Variants in MXRA5 observed in about 807,000 individuals in gnomAD.
MXRA5 encodes the protein matrix remodeling associated 5.
Under a neutral mutation model 112.5 loss-of-function variants are expected in MXRA5, and 41 were observed. The observed-to-expected ratio is 0.36, with a 90% CI of 0.28 to 0.47. The LOEUF (loss-of-function observed/expected upper bound fraction) is 0.47. Ranked by LOEUF, MXRA5 falls within the 20% of genes least tolerant of loss-of-function variation. The probability of loss-of-function intolerance (pLI) is 0.99; values close to 1 mark genes in which losing one functional copy is unlikely to be tolerated. For missense variants in MXRA5, 2,150 were observed against 2,251.0 expected, an observed-to-expected ratio of 0.96 and a Z score of 0.91; for synonymous variants, 862 against 900.8, an observed-to-expected ratio of 0.96 and a Z score of 0.77.
Position 3,323,256 on chromosome X carries a change from G to A in MXRA5, c.2429C>T (p.Pro810Leu). The stretch of plus-strand genomic sequence containing the variant: ...TGTGACTTCTAGACTCAAGGATGGA[G>A]GACTTGTGGTTTTAATCAATGGGGG... ...EVPPLIKTTSPPSLSLEVTPP... is the reference protein window; with the variant it reads ...EVPPLIKTTSLPSLSLEVTPP... The change falls in exon 5 of 7, where the codon CCT becomes CTT. Residue 810 changes from proline to leucine, a missense_variant. Transcript: ENST00000217939. 1 of 1,211,719 alleles carries A rather than the reference G, an allele frequency of 8.3e-7. No individual in the cohort carries two copies. The highest frequency in any genetic ancestry group is 1.1e-6 in the Non-Finnish European group (1 of 895,474).
At chrX:3,333,489 C>A (rs1418696627) in intron 2 of MXRA5, among the ~76,000 whole-genome samples, 1 of 109,954 alleles carries the variant, frequency 9.1e-6, no homozygotes, top group African/African-American at 3.3e-5. Flanking sequence ...ATTCCACAAG[C>A]AAACACAGTG....
rs756574069 is a variant in MXRA5 at position 3,318,499 on chromosome X, C to T, written c.5678-496G>A. On this transcript the variant is annotated intron_variant, in intron 5 of 6. Coordinates refer to ENST00000217939, the MANE Select transcript of MXRA5 (RefSeq NM_015419.4). Reference sequence around the variant, plus strand: ...GTAAAACTGAGATATCATCTCATGCCTGCTGGAATGGTTATTATCAAAAAG... The same window carrying T: ...GTAAAACTGAGATATCATCTCATGCTTGCTGGAATGGTTATTATCAAAAAG... Among the ~76,000 whole-genome samples the T allele has an allele frequency of 5.4e-5, 6 of 112,054 alleles. No individual in the cohort carries two copies. In the South Asian group the frequency reaches 2.3e-3, roughly 42 times the overall value.
In MXRA5 at chrX:3,316,292, C is replaced by T. The variant is rs759370791; in HGVS notation, c.6578+811G>A. Among the ~76,000 whole-genome samples the T allele has an allele frequency of 4.5e-5, 4 of 89,513 alleles. No homozygotes were observed. In the Admixed American group the frequency reaches 5.1e-4, roughly 11 times the overall value. The allele number at this position is 89,513 out of a possible 115,157, so 77.7% of individuals were successfully genotyped here. On this transcript the variant is annotated intron_variant, in intron 6 of 6. Coordinates refer to ENST00000217939, the MANE Select transcript of MXRA5 (RefSeq NM_015419.4). ...TAGTGCCACTGCACTCCAGCCTGGG[C>T]CACAGAGCGAGATTCCGTCTCAAAA... is the stretch of plus-strand genomic sequence containing the variant.
chrX:3,336,648 C>T (rs1317948557), intron 2 of MXRA5, among the ~76,000 whole-genome samples: 1 of 111,910 alleles, frequency 8.9e-6, no homozygotes, highest in Non-Finnish European at 1.9e-5. Flanking sequence ...TTTGAATGTA[C>T]TAAATGGCAC....
rs761736143 is a variant in MXRA5 at position 3,310,502 on chromosome X, C to A, written c.7701G>T (p.Ala2567=). The change falls in exon 7 of 7, where the codon GCG becomes GCT. Residue 2567 remains alanine (A), a synonymous_variant. Transcript: ENST00000217939. ...GHTISLNCSA[A]GTPTPSLVWV... ...ACACCAGGCTGGGTGTCGGGGTCCC[C>A]GCGGCAGAGCAGTTGAGGCTGATGG... is the stretch of plus-strand genomic sequence containing the variant. 8.3e-6 allele frequency: 10 copies of A among 1,198,402 alleles called. No homozygotes were observed. The African/African-American group carries it at 1.4e-4, about 17-fold the overall frequency.
Position 3,310,841 on chromosome X carries a change from C to T in MXRA5, c.7362G>A (p.Glu2454=), listed in dbSNP as rs1920980492. 2.5e-6 allele frequency: 3 copies of T among 1,210,414 alleles called. No individual in the cohort carries two copies. The highest frequency in any genetic ancestry group is 3.4e-6 in the Non-Finnish European group (3 of 895,042). Residue 2454 remains glutamate, a synonymous_variant, in exon 7 of 7, where the codon GAG becomes GAA. Coordinates refer to ENST00000217939, the MANE Select transcript of MXRA5 (RefSeq NM_015419.4). ...GNPNPITTVR[E]IAAGGSRKLI... ...GTTTCCGACTGCCCCCGGCTGCTAT[C>T]TCCCGCACAGTGGTGATGGGGTTGG...
intron 2 of MXRA5, among the ~76,000 whole-genome samples, chrX:3,340,959 A>G (rs1392226195): frequency 3.5e-5 from 3 of 84,845 alleles, no homozygotes; most frequent in Non-Finnish European, 6.6e-5. Context: ...CCGCAAATAG[A>G]TATATATTAT....
rs1459836286 is a variant in MXRA5 at position 3,320,372 on chromosome X, C to T, written c.5313G>A (p.Arg1771=). The change falls in exon 5 of 7, where the codon AGG becomes AGA. Residue 1771 remains arginine, a synonymous_variant. Coordinates refer to ENST00000217939, the MANE Select transcript of MXRA5 (RefSeq NM_015419.4). The part of the protein sequence containing the change: ...ERKVIPGSYN[R]IHSHSTFHLD... ...GATGGAAGGTGCTATGGGAATGTAT[C>T]CTGTTGTAGGAACCTGGAATAACTT... The T allele has an allele frequency of 8.3e-7, 1 of 1,211,578 alleles. No individual in the cohort carries two copies. The highest frequency in any genetic ancestry group is 1.1e-6 in the Non-Finnish European group (1 of 895,364).
chrX:3,337,931 G>A (rs764432186), intron 2 of MXRA5, among the ~76,000 whole-genome samples: 1 of 111,768 alleles, frequency 8.9e-6, no homozygotes, highest in Non-Finnish European at 1.9e-5. Flanking sequence ...CAAAGGCTGG[G>A]AGAGACAGGT....
chrX:3,338,044 T>C (rs1006955054), intron 2 of MXRA5, among the ~76,000 whole-genome samples: 5 of 111,446 alleles, frequency 4.5e-5, no homozygotes, highest in Non-Finnish European at 9.4e-5. Flanking sequence ...AGACCCATGA[T>C]GCACGTTCAG....
rs565623015 is a variant in MXRA5 at position 3,324,859 on chromosome X, G to C, written c.826C>G (p.Leu276Val). Reference protein sequence around the residue: ...EIHKLKDMTCLKPSIESPLRQ... With the variant: ...EIHKLKDMTCVKPSIESPLRQ... ...AGAGGGGACTCTATTGAAGGCTTCA[G>C]ACAAGTCATGTCCTTCAGCTTGTGT... The change falls in exon 5 of 7, where the codon CTG becomes GTG. Residue 276 changes from leucine to valine, a missense_variant. By Grantham distance (32) the Leu-to-Val change is conservative. Coordinates refer to ENST00000217939, the MANE Select transcript of MXRA5 (RefSeq NM_015419.4). 5 of 1,211,625 alleles carry C rather than the reference G, an allele frequency of 4.1e-6. No individual in the cohort carries two copies. The African/African-American group carries it at 5.2e-5, about 13-fold the overall frequency.
At position 3,310,583 on chromosome X, in the gene MXRA5, C is replaced by G. The variant is rs540775646; in HGVS notation, c.7620G>C (p.Glu2540Asp). ...ILQLTVLEPM[E>D]KPIFHDPISE... is the part of the protein sequence containing the mutation. ...TGATCGGGTCGTGGAAGATGGGTTTCTCCATGGGCTCCAGGACAGTGAGCT... is the reference window on the plus strand; with the variant it reads ...TGATCGGGTCGTGGAAGATGGGTTTGTCCATGGGCTCCAGGACAGTGAGCT... The change falls in exon 7 of 7, where the codon GAG (glutamate) becomes GAC (aspartate). Residue 2540 changes from glutamate to aspartate, a missense_variant. By Grantham distance (45) the Glu-to-Asp change is conservative (BLOSUM62 2). Around this residue, in one of 6 missense-constraint regions of MXRA5, gnomAD observed 93 missense variants for 135.5 expected, o/e 0.69. Coordinates refer to ENST00000217939, the MANE Select transcript of MXRA5 (RefSeq NM_015419.4). 4 of 1,022,476 alleles carry G rather than the reference C, an allele frequency of 3.9e-6. No homozygotes were observed. The South Asian group carries it at 8.1e-5, about 21-fold the overall frequency. The allele number at this position is 1,022,476 out of a possible 1,213,427, so 84.3% of individuals were successfully genotyped here. A position where few individuals can be genotyped will look rare whatever the true frequency, so the allele number is the denominator to read the frequency against.
rs1344857204 is a variant in MXRA5, at chrX:3,316,290, G to A, written c.6578+813C>T. Among the ~76,000 whole-genome samples, 3 of 87,706 alleles carry A rather than the reference G, an allele frequency of 3.4e-5. No homozygotes were observed. The Admixed American group carries it at 3.9e-4, about 12-fold the overall frequency. 76.2% of individuals were successfully genotyped at this position (87,706 alleles called of 115,157 possible). On this transcript the variant is annotated intron_variant, in intron 6 of 6. Coordinates refer to ENST00000217939, the MANE Select transcript of MXRA5 (RefSeq NM_015419.4). ...GATAGTGCCACTGCACTCCAGCCTG[G>A]GCCACAGAGCGAGATTCCGTCTCAA... is the stretch of plus-strand genomic sequence containing the variant.
Position 3,311,598 on chromosome X carries a change from G to A in MXRA5, c.6605C>T (p.Ala2202Val). Residue 2202 changes from alanine to valine, a missense_variant, in exon 7 of 7, where the codon GCC (alanine) becomes GTC (valine). Physicochemically the swap from Ala to Val is moderately conservative, Grantham distance 64. Transcript: ENST00000217939. ...TGATTTCACCACCAGGGTCCCATTGGCAAACACCTTGATTCTGCTATCAAA... is the reference window on the plus strand; with the variant it reads ...TGATTTCACCACCAGGGTCCCATTGACAAACACCTTGATTCTGCTATCAAA... ...FSFDSRIKVF[A>V]NGTLVVKSVT... 1 of 1,209,931 alleles carries A rather than the reference G, an allele frequency of 8.3e-7. No homozygotes were observed. The highest frequency in any genetic ancestry group is 1.1e-6 in the Non-Finnish European group (1 of 894,615).
chrX:3,322,086 A>C lies in MXRA5; in HGVS notation c.3599T>G (p.Leu1200Arg). ...IKISSQVESS[L>R]VPTAWVDNTV... ...GTTATCCACCCAAGCTGTAGGAACC[A>C]GAGAACTCTCCACTTGACTTGAAAT... Residue 1200 changes from leucine (L) to arginine (R), a missense_variant, in exon 5 of 7, where the codon CTG becomes CGG. Leu to Arg is a moderately radical substitution (Grantham distance 102). This residue lies in a region of MXRA5 where 1,485 missense variants were observed against 1,471.6 expected (regional missense o/e 1.01). Transcript: ENST00000217939. 1 of 1,211,182 alleles carries C rather than the reference A, an allele frequency of 8.3e-7. No individual in the cohort carries two copies. Among genetic ancestry groups the C allele is most frequent in the Non-Finnish European group, 1.1e-6 (1 of 895,255 alleles).
intron 5 of MXRA5, among the ~76,000 whole-genome samples, chrX:3,319,069 G>A (rs1393014442): frequency 9.0e-6 from 1 of 110,865 alleles, no homozygotes; most frequent in Non-Finnish European, 1.9e-5. Flanking sequence ...GGGGATGGGA[G>A]TAAAGGGAAG....
intron 2 of MXRA5, among the ~76,000 whole-genome samples, chrX:3,337,676 C>G (rs985875332): frequency 8.9e-6 from 1 of 111,975 alleles, no homozygotes; most frequent in African/African-American, 3.2e-5. Flanking sequence ...TCCTGGAGAA[C>G]GTGTCAGAGC....
At position 3,320,327 on chromosome X, in the gene MXRA5, T is replaced by C. The variant is rs773306775; in HGVS notation, c.5358A>G (p.Ala1786=). The C allele has an allele frequency of 8.3e-7, 1 of 1,209,986 alleles. No homozygotes were observed. The highest frequency in any genetic ancestry group is 3.0e-5 in the East Asian group (1 of 33,759). The part of the protein sequence containing the change: ...STFHLDFGPP[A]PPLLHTPQTT... ...TCTGCGGAGTGTGCAACAACGGAGG[T>C]GCCGGAGGGCCAAAGTCCAGATGGA... Residue 1786 remains alanine, a synonymous_variant, in exon 5 of 7, where the codon GCA becomes GCG. Transcript: ENST00000217939.
intron 6 of MXRA5, among the ~76,000 whole-genome samples, chrX:3,316,769 C>A (rs1239674188): frequency 9.2e-6 from 1 of 108,597 alleles, no homozygotes; most frequent in Non-Finnish European, 1.9e-5. Flanking sequence ...CTCCACCTCC[C>A]GGGTTCAAGC....
Sources: allele counts gnomAD v4.1 joint callset (sites outside exome capture counted in the v4.1 genomes callset), GRCh38; gene constraint gnomAD v4.1.1; regional missense constraint gnomAD v4.1.1; transcripts MANE v1.5; gene names NCBI Gene and HGNC (gene_info 2026-07-23, HGNC 2026-07-21).